VPS50: variants seen among roughly 807,000 people sequenced by gnomAD.
VPS50 encodes VPS50 subunit of EARP/GARPII complex.
In VPS50, 70 loss-of-function variants were observed where a neutral mutation model predicts 139.7. The observed-to-expected ratio is 0.50, with a 90% CI of 0.41 to 0.61. The LOEUF (loss-of-function observed/expected upper bound fraction) is 0.61, where lower values mean the gene tolerates loss of function less well. VPS50 is among the 20% of genes least tolerant of loss of function. The probability of loss-of-function intolerance (pLI) is 0.00; values close to 1 mark genes in which losing one functional copy is unlikely to be tolerated. For synonymous variants in VPS50, 365 were observed against 376.7 expected (o/e 0.97, Z 0.36); for missense variants, 921 against 1,133.7 (o/e 0.81, Z 2.69).
rs774031842 is a variant in VPS50 at position 93,305,875 on chromosome 7, T to G, written c.1500T>G (p.Ser500Arg). The G allele has an allele frequency of 1.2e-5, 19 of 1,612,678 alleles. No individual in the cohort carries two copies. The highest frequency in any genetic ancestry group is 1.5e-5 in the Non-Finnish European group (18 of 1,178,862). The change falls in exon 18 of 28, where the codon AGT becomes AGG. Residue 500 changes from serine to arginine, a missense_variant. This residue lies in a region of VPS50 where 744 missense variants were observed against 930.6 expected (regional missense o/e 0.80). Transcript: ENST00000305866. Reference protein sequence around the residue: ...EQSRSPSVSPSKQPVSTSSKT... With the variant: ...EQSRSPSVSPRKQPVSTSSKT... ...CTCGCTCCCCATCAGTTTCACCTAG[T>G]AAACAGCCAGTCTCAACTTCTTCAA...
intron 8 of VPS50, among the ~76,000 whole-genome samples, chr7:93,258,976 T>C (rs894481308): frequency 2.6e-5 from 4 of 152,196 alleles, no homozygotes; most frequent in South Asian, 4.1e-4. Context: ...TGGTTTTCTG[T>C]ATAATTGTTT....
At chr7:93,258,117 T>C in intron 6 of VPS50, 42 bp from the exon 7 acceptor site, 1 of 796,888 alleles carries the variant, frequency 1.3e-6, no homozygotes, top group Non-Finnish European at 2.1e-6. Context: ...GTATTCTTAT[T>C]ATAATAAAAA....
chr7:93,256,630 G>T (rs369263843), intron 5 of VPS50, 68 bp downstream of exon 5: 2 of 817,632 alleles, frequency 2.4e-6, no homozygotes, highest in East Asian at 5.6e-5. Flanking sequence ...ACTTGAAACT[G>T]TTAAAATATT....
chr7:93,279,151 G>A (rs910097248), intron 12 of VPS50, among the ~76,000 whole-genome samples: 1 of 152,094 alleles, frequency 6.6e-6, no homozygotes, highest in African/African-American at 2.4e-5. Context: ...ATCATCCCAG[G>A]CCTTCTAGAA....
chr7:93,258,453 CA>C, intron 8 of VPS50, 61 bp downstream of exon 8: 2 of 1,303,540 alleles, frequency 1.5e-6, no homozygotes, highest in South Asian at 2.5e-5. Flanking sequence ...GTAAAGCAGA[CA>C]AAATTCAGAA....
At chr7:93,331,739 GGC>G (rs1797947396) in intron 21 of VPS50, among the ~76,000 whole-genome samples, 1 of 152,064 alleles carries the variant, frequency 6.6e-6, no homozygotes, top group South Asian at 2.1e-4. Flanking sequence ...TGATAAAATG[GGC>G]TTCCTCATGG....
intron 27 of VPS50, among the ~76,000 whole-genome samples, 160 bp from the exon 28 acceptor site, chr7:93,358,157 A>G (rs1319595320): frequency 6.6e-6 from 1 of 152,128 alleles, no homozygotes; most frequent in Non-Finnish European, 1.5e-5. Flanking sequence ...TCAGTAAACA[A>G]TTTGCCTTCC....
chr7:93,266,556 A>G (rs1443582911), intron 9 of VPS50, among the ~76,000 whole-genome samples: 2 of 152,182 alleles, frequency 1.3e-5, no homozygotes, highest in African/African-American at 4.8e-5. Context: ...TTCTTTATGG[A>G]TAATTTATTC....
At chr7:93,280,905 A>G (rs1796307234) in intron 12 of VPS50, among the ~76,000 whole-genome samples, 1 of 152,142 alleles carries the variant, frequency 6.6e-6, no homozygotes, top group African/African-American at 2.4e-5. Context: ...CTGTATATAT[A>G]TATATACATA....
chr7:93,335,409 A>C (rs919163869), intron 22 of VPS50, among the ~76,000 whole-genome samples: 14 of 152,212 alleles, frequency 9.2e-5, no homozygotes, highest in African/African-American at 3.4e-4. Context: ...ACCTTGGCAC[A>C]TAACATTGCT....
At chr7:93,287,575 A>G (rs1045970671) in intron 12 of VPS50, among the ~76,000 whole-genome samples, 1 of 152,200 alleles carries the variant, frequency 6.6e-6, no homozygotes, top group Non-Finnish European at 1.5e-5. Context: ...TTGTACAGTC[A>G]TAATTTTTCT....
chr7:93,291,742 C>T lies in VPS50; in HGVS notation c.982C>T (p.Leu328=). The T allele has an allele frequency of 1.3e-6, 2 of 1,590,132 alleles. No homozygotes were observed. Among genetic ancestry groups the T allele is most frequent in the Non-Finnish European group, 1.7e-6 (2 of 1,162,906 alleles). The part of the protein sequence containing the change: ...PDSYIPCLAD[L]CKALWEVMLS... The stretch of plus-strand genomic sequence containing the variant: ...CAGCTATATTCCATGCCTTGCAGAC[C>T]TGTGCAAAGCACTATGGGAAGTTAT... The change falls in exon 13 of 28, where the codon CTG becomes TTG. Residue 328 remains leucine, a synonymous_variant. Coordinates refer to ENST00000305866, the MANE Select transcript of VPS50 (RefSeq NM_017667.4).
chr7:93,255,406 A>C (rs1795456475), intron 4 of VPS50, among the ~76,000 whole-genome samples: 1 of 152,076 alleles, frequency 6.6e-6, no homozygotes. Context: ...TGAGAGGTGG[A>C]GCTCAGGTTG....
intron 16 of VPS50, among the ~76,000 whole-genome samples, chr7:93,301,360 A>G (rs1350879928): frequency 1.3e-5 from 2 of 151,878 alleles, no homozygotes; most frequent in African/African-American, 2.4e-5. Flanking sequence ...ATATGCACTT[A>G]TGTTCTACTG....
intron 12 of VPS50, among the ~76,000 whole-genome samples, chr7:93,277,842 CAT>C (rs1439097822): frequency 6.6e-6 from 1 of 151,852 alleles, no homozygotes; most frequent in African/African-American, 2.4e-5. Flanking sequence ...TTTTCTTATT[CAT>C]ATATGTTCTT....
At chr7:93,305,800 G>T (rs767264977) in intron 17 of VPS50, 28 bp from the exon 18 acceptor site, 1 of 1,581,906 alleles carries the variant, frequency 6.3e-7, no homozygotes, top group Non-Finnish European at 8.7e-7. Flanking sequence ...GTTGCTAAAG[G>T]GTATCTGGCT....
intron 9 of VPS50, among the ~76,000 whole-genome samples, chr7:93,268,418 T>G (rs1444594581): frequency 6.6e-6 from 1 of 152,138 alleles, no homozygotes; most frequent in Non-Finnish European, 1.5e-5. Flanking sequence ...GCTGCACCTA[T>G]CAACCTATCA....
chr7:93,276,447 G>T (rs1796157217), intron 12 of VPS50, 142 bp downstream of exon 12: 3 of 1,282,800 alleles, frequency 2.3e-6, no homozygotes, highest in East Asian at 5.3e-5. Context: ...CTCCCAAGTT[G>T]TTCTTTTCCT....
chr7:93,346,526 G>A (rs1488434674), intron 23 of VPS50, among the ~76,000 whole-genome samples: 1 of 152,034 alleles, frequency 6.6e-6, no homozygotes, highest in Non-Finnish European at 1.5e-5. Context: ...AGTCCATCCT[G>A]AGCCAAAAGA....
Sources: gnomAD v4.1 joint callset for allele counts (sites outside exome capture counted in the v4.1 genomes callset) on GRCh38, gnomAD v4.1.1 for gene constraint, gnomAD v4.1.1 regional missense constraint, MANE v1.5 for transcripts, NCBI Gene and HGNC (gene_info 2026-07-23, HGNC 2026-07-21) for gene names.